MALAT1: variants seen among roughly 807,000 people sequenced by gnomAD.
MALAT1 encodes metastasis associated lung adenocarcinoma transcript 1.
At chr11:65,502,619 C>CT (rs3842272) in exon 3 of MALAT1, 19,029 of 371,892 alleles carry the variant, frequency 0.051, 128 homozygotes, top group African/African-American at 0.067. Flanking sequence ...GGAGGGGAAA[C>CT]TTTTTTTTTT....
chr11:65,505,672 G>A (rs369713607), intron 3 of MALAT1: 3 of 518,896 alleles, frequency 5.8e-6, no homozygotes, highest in African/African-American at 1.9e-5. Flanking sequence ...GGTAACGATG[G>A]TGTCGAGGTC....
chr11:65,500,884 G>A (rs1381542256), exon 3 of MALAT1: 2 of 516,582 alleles, frequency 3.9e-6, no homozygotes, highest in African/African-American at 1.9e-5. Context: ...TTTATATGGG[G>A]ACGTAGGCCG....
chr11:65,499,056 C>G (rs370738365), exon 3 of MALAT1: 139 of 517,884 alleles, frequency 2.7e-4, no homozygotes, highest in African/African-American at 2.6e-3. Context: ...GGCATTGAGG[C>G]AGCCAGCGCA....
intron 3 of MALAT1, chr11:65,505,451 G>A (rs758063556): frequency 3.9e-6 from 2 of 512,842 alleles, no homozygotes; most frequent in Non-Finnish European, 7.8e-6. Flanking sequence ...CAAATCTCAA[G>A]CGGTGCTTGA....
At chr11:65,499,246 A>G (rs11540791) in exon 3 of MALAT1, 1 of 504,570 alleles carries the variant, frequency 2.0e-6, no homozygotes, top group Non-Finnish European at 3.9e-6. Flanking sequence ...AGAAAATATG[A>G]AGACTTAGAA....
intron 3 of MALAT1, chr11:65,504,040 A>G (rs1463766437): frequency 1.9e-6 from 1 of 518,216 alleles, no homozygotes; most frequent in Admixed American, 1.9e-5. Context: ...AAATGCTTAC[A>G]ATCTTAGAGT....
exon 3 of MALAT1, chr11:65,501,203 AG>A (rs1474305220): frequency 2.3e-6 from 1 of 436,272 alleles, no homozygotes; most frequent in African/African-American, 2.9e-5. Flanking sequence ...TGTGTAACTG[AG>A]GCGGGGGGGA....
chr11:65,499,813 G>A (rs1025235426), exon 3 of MALAT1: 2 of 420,454 alleles, frequency 4.8e-6, no homozygotes, highest in African/African-American at 4.2e-5. Flanking sequence ...GAAACAAAAA[G>A]CTAAGGGCAA....
chr11:65,503,088 G>A (rs1213186347), exon 3 of MALAT1: 5 of 510,870 alleles, frequency 9.8e-6, no homozygotes, highest in African/African-American at 1.9e-5. Context: ...AGGAGGCTGT[G>A]CTGTGTGCCA....
chr11:65,499,111 A>C (rs756779978), exon 3 of MALAT1: 3 of 518,310 alleles, frequency 5.8e-6, no homozygotes, highest in South Asian at 4.2e-5. Context: ...GAAACCGCAG[A>C]TAAGTTTTTT....
At chr11:65,498,796 C>T (rs1163129932) in intron 2 of MALAT1, 1 of 518,768 alleles carries the variant, frequency 1.9e-6, no homozygotes, top group Non-Finnish European at 3.8e-6. Flanking sequence ...ATATGATTTC[C>T]ATGTTTCTTT....
At chr11:65,502,366 C>T (rs1438953830) in exon 3 of MALAT1, 1 of 510,260 alleles carries the variant, frequency 2.0e-6, no homozygotes, top group South Asian at 1.4e-5. Flanking sequence ...GAAGGGATTT[C>T]TTCTGATGGT....
At chr11:65,500,441 G>A (rs1342401536) in exon 3 of MALAT1, 2 of 518,978 alleles carry the variant, frequency 3.9e-6, no homozygotes, top group Admixed American at 3.9e-5. Flanking sequence ...GAAGACAGCA[G>A]CAGACAGGAT....
exon 3 of MALAT1, chr11:65,503,182 C>T (rs1487096008): frequency 2.0e-6 from 1 of 511,738 alleles, no homozygotes; most frequent in Non-Finnish European, 3.9e-6. Context: ...CAGCAGGCAG[C>T]TGTTAACAGA....
At chr11:65,499,678 A>T in exon 3 of MALAT1, 1 of 434,818 alleles carries the variant, frequency 2.3e-6, no homozygotes, top group Non-Finnish European at 4.5e-6. Flanking sequence ...GGAAGACAGA[A>T]GTACGGGAAG....
intron 1 of MALAT1, chr11:65,498,053 C>T (rs769623272): frequency 2.3e-5 from 12 of 518,842 alleles, no homozygotes; most frequent in South Asian, 9.8e-5. Flanking sequence ...TTTCTTCCTG[C>T]TCCGGTTCAG....
At chr11:65,501,020 T>C (rs772815681) in exon 3 of MALAT1, 3 of 506,010 alleles carry the variant, frequency 5.9e-6, no homozygotes, top group Non-Finnish European at 1.2e-5. Context: ...TTTTTTTTTT[T>C]ACACGAATTT....
At chr11:65,503,417 AAAT>A (rs1298946062) in exon 3 of MALAT1, 3 of 515,752 alleles carry the variant, frequency 5.8e-6, no homozygotes, top group South Asian at 4.2e-5. Context: ...TTGCATCTTT[AAAT>A]AATTTCTTAA....
At chr11:65,500,828 T>C (rs1340786489) in exon 3 of MALAT1, 2 of 518,798 alleles carry the variant, frequency 3.9e-6, no homozygotes, top group Non-Finnish European at 7.7e-6. Context: ...ACCTTTTATT[T>C]ATTTTCTAAT....
Sources: gnomAD v4.1 joint callset for allele counts on GRCh38, gnomAD v4.1.1 for gene constraint, MANE v1.5 for transcripts, NCBI Gene and HGNC (gene_info 2026-07-23, HGNC 2026-07-21) for gene names.